Variants in PKHD1 observed in about 807,000 individuals in gnomAD.
PKHD1 encodes fibrocystin.
Under a neutral mutation model 412.0 loss-of-function variants are expected in PKHD1, and 291 were observed. The observed-to-expected ratio is 0.71, with a 90% CI of 0.64 to 0.78. PKHD1 has a LOEUF of 0.78. PKHD1 is among the 30% of genes least tolerant of loss of function. The pLI, the probability that PKHD1 is intolerant of heterozygous loss-of-function variation, is 0.00. For missense variants in PKHD1, 4,825 were observed against 4,950.7 expected (o/e 0.97, Z 0.76); for synonymous variants, 1,777 against 1,821.5 (o/e 0.98, Z 0.62).
intron 52 of PKHD1, among the ~76,000 whole-genome samples, chr6:51,823,107 A>AT (rs985745260): frequency 1.6e-4 from 24 of 151,916 alleles, no homozygotes; most frequent in Non-Finnish European, 3.2e-4. Context: ...AAAAAAAAAA[A>AT]ATTATACCTA....
At chr6:51,847,323 A>G (rs1771367384) in intron 50 of PKHD1, among the ~76,000 whole-genome samples, 1 of 149,250 alleles carries the variant, frequency 6.7e-6, no homozygotes, top group African/African-American at 2.5e-5. Context: ...GCTGGTCTCA[A>G]ACTCCTAGAC....
At chr6:51,767,557 A>G (rs1412079049) in intron 55 of PKHD1, among the ~76,000 whole-genome samples, 1 of 152,092 alleles carries the variant, frequency 6.6e-6, no homozygotes, top group African/African-American at 2.4e-5. Context: ...ATGAGTGAGA[A>G]CATGCAGTGT....
chr6:51,927,196 G>A (rs971814042), intron 37 of PKHD1, among the ~76,000 whole-genome samples: 2 of 151,718 alleles, frequency 1.3e-5, no homozygotes, highest in African/African-American at 2.4e-5. Flanking sequence ...AATAACAACC[G>A]CAAAATGACA....
chr6:51,755,423 G>A (rs565533463), intron 55 of PKHD1, among the ~76,000 whole-genome samples: 6 of 152,076 alleles, frequency 3.9e-5, no homozygotes, highest in East Asian at 3.9e-4. Context: ...AGTGTGAATC[G>A]TAGAGGTGTC....
chr6:52,062,696 C>A (rs761832595), intron 13 of PKHD1, 36 bp from the exon 14 acceptor site: 3 of 1,613,010 alleles, frequency 1.9e-6, no homozygotes, highest in Middle Eastern at 1.6e-4. Flanking sequence ...CATTACAGGG[C>A]GCACCTTCCC....
chr6:51,711,019 T>G (rs1780595240), intron 60 of PKHD1, among the ~76,000 whole-genome samples: 1 of 152,168 alleles, frequency 6.6e-6, no homozygotes, highest in Non-Finnish European at 1.5e-5. Flanking sequence ...GGCTCCCAGT[T>G]CCATGCAGGA....
intron 27 of PKHD1, among the ~76,000 whole-genome samples, chr6:52,039,084 C>A (rs1291142805): frequency 6.6e-6 from 1 of 152,110 alleles, no homozygotes; most frequent in Non-Finnish European, 1.5e-5. Flanking sequence ...TTTGAATAAG[C>A]ATTTCTACAA....
intron 55 of PKHD1, among the ~76,000 whole-genome samples, chr6:51,760,081 A>G (rs1478606626): frequency 6.6e-6 from 1 of 152,136 alleles, no homozygotes; most frequent in Non-Finnish European, 1.5e-5. Context: ...ATGAGTGCAT[A>G]AGGCCACCAA....
chr6:51,960,718 T>C (rs1463718539), intron 35 of PKHD1, among the ~76,000 whole-genome samples: 3 of 152,020 alleles, frequency 2.0e-5, no homozygotes, highest in Non-Finnish European at 2.9e-5. Context: ...GACAAGTAAA[T>C]AGTCTGGAAC....
chr6:51,860,922 C>G lies in PKHD1; in HGVS notation c.7734-4852G>C, dbSNP rs569033314. On this transcript the variant is annotated intron_variant, in intron 48 of 66. Transcript: ENST00000371117. ...TGCCTCTCAGGTTCAAGCAATTCTC[C>G]TGCCTCAGACTCCTGAGTAGCTGGG... 7.2e-5 allele frequency among the ~76,000 whole-genome samples: 11 copies of G among 152,226 alleles called. No homozygotes were observed. The East Asian group carries it at 2.1e-3, about 29-fold the overall frequency.
At chr6:51,896,342 G>A (rs1470205135) in intron 43 of PKHD1, among the ~76,000 whole-genome samples, 1 of 152,098 alleles carries the variant, frequency 6.6e-6, no homozygotes, top group Non-Finnish European at 1.5e-5. Context: ...GCCTCCTCAA[G>A]TGGGTCCCTG....
At chr6:52,063,747 A>G (rs1251871328) in intron 13 of PKHD1, among the ~76,000 whole-genome samples, 1 of 152,142 alleles carries the variant, frequency 6.6e-6, no homozygotes, top group Non-Finnish European at 1.5e-5. Flanking sequence ...ACAGCCAAAC[A>G]TGTTTCTACA....
intron 34 of PKHD1, among the ~76,000 whole-genome samples, chr6:52,014,694 C>T (rs1800258355): frequency 8.2e-6 from 1 of 121,584 alleles, no homozygotes; most frequent in African/African-American, 3.4e-5. Flanking sequence ...GATGAATATA[C>T]TGGATAGATG....
chr6:52,024,490 GTTAA>G, intron 32 of PKHD1, 80 bp downstream of exon 32: 9 of 1,295,096 alleles, frequency 6.9e-6, no homozygotes, highest in Non-Finnish European at 1.0e-5. Context: ...GGCAGATTGT[GTTAA>G]TTTTCTACTT....
chr6:52,065,435 T>C (rs1332499217), intron 12 of PKHD1, among the ~76,000 whole-genome samples: 7 of 151,954 alleles, frequency 4.6e-5, no homozygotes. Context: ...TAACTGAGCA[T>C]GGGAGGTAAG....
At chr6:52,014,727 TGGATGGATGGA>T in intron 34 of PKHD1, among the ~76,000 whole-genome samples, 1 of 144,202 alleles carries the variant, frequency 6.9e-6, no homozygotes, top group South Asian at 2.4e-4. Flanking sequence ...GATGGATGGA[TGGATGGATGGA>T]TGGATGGATG....
chr6:51,649,337 G>GA (rs1302708096), intron 61 of PKHD1, 117 bp from the exon 62 acceptor site: 4 of 776,646 alleles, frequency 5.2e-6, no homozygotes, highest in Non-Finnish European at 6.7e-6. Context: ...TGTGTTTCTA[G>GA]AAAATAATAC....
At chr6:52,055,297 A>G (rs1464914735) in intron 19 of PKHD1, among the ~76,000 whole-genome samples, 3 of 152,252 alleles carry the variant, frequency 2.0e-5, no homozygotes, top group Non-Finnish European at 1.5e-5. Context: ...AGATAGTCCA[A>G]TGACACAGTC....
intron 53 of PKHD1, among the ~76,000 whole-genome samples, chr6:51,787,933 A>C (rs1303913615): frequency 2.0e-5 from 3 of 152,224 alleles, no homozygotes; most frequent in Non-Finnish European, 4.4e-5. Context: ...GCTCAACTGT[A>C]TTTAATATCT....
Sources: gnomAD v4.1 joint callset for allele counts (sites outside exome capture counted in the v4.1 genomes callset) on GRCh38, gnomAD v4.1.1 for gene constraint, MANE v1.5 for transcripts, NCBI Gene and HGNC (gene_info 2026-07-23, HGNC 2026-07-21) for gene names.